Variants in LINGO2 observed in about 807,000 individuals in gnomAD.
The protein encoded by LINGO2 is leucine-rich repeat and immunoglobulin-like domain-containing nogo receptor-interacting protein 2.
LINGO2 carries 14 observed loss-of-function variants against 30.6 expected under a neutral mutation model. The observed-to-expected ratio is 0.46, with a 90% CI of 0.30 to 0.72. LINGO2 has a LOEUF of 0.72. LINGO2 is among the 30% of genes least tolerant of loss of function. The pLI is 0.07. For synonymous variants in LINGO2, 317 were observed against 288.5 expected (o/e 1.10, Z -1.00); for missense variants, 729 against 751.7 (o/e 0.97, Z 0.35).
At chr9:28,381,683 AC>A (rs1475591206) in intron 2 of LINGO2, among the ~76,000 whole-genome samples, 1 of 151,914 alleles carries the variant, frequency 6.6e-6, no homozygotes, top group East Asian at 1.9e-4. Flanking sequence ...GGAAATATTC[AC>A]CCTCTGCCCC....
At chr9:28,378,620 T>C (rs9298894) in intron 2 of LINGO2, among the ~76,000 whole-genome samples, 119,253 of 152,054 alleles carry the variant, frequency 0.78, 47,972 homozygotes, top group Middle Eastern at 0.9. Flanking sequence ...ACGGAACTGT[T>C]GAGTTAGGCT....
chr9:28,204,609 C>A (rs1440973920), intron 4 of LINGO2, among the ~76,000 whole-genome samples: 3 of 152,062 alleles, frequency 2.0e-5, no homozygotes, highest in African/African-American at 7.2e-5. Context: ...GATTGATTGC[C>A]CCTCAGTTCC....
intron 3 of LINGO2, among the ~76,000 whole-genome samples, chr9:28,354,534 A>G (rs1820080548): frequency 6.6e-6 from 1 of 152,196 alleles, no homozygotes. Context: ...ATCTTCAAAC[A>G]GTAGGAGTTA....
the LINGO2 span, among the ~76,000 whole-genome samples, chr9:28,726,146 A>G: frequency 6.6e-6 from 1 of 152,164 alleles, no homozygotes. Flanking sequence ...TATCAGTCAA[A>G]TGGTGTGTTA....
chr9:29,163,499 G>T, the LINGO2 span, among the ~76,000 whole-genome samples: 9,039 of 152,220 alleles, frequency 0.059, 335 homozygotes, highest in Non-Finnish European at 0.09. Flanking sequence ...ACATGCTCAT[G>T]ATTGATTCTC....
the LINGO2 span, among the ~76,000 whole-genome samples, chr9:29,051,776 G>A: frequency 1.3e-3 from 200 of 152,172 alleles, 1 homozygote; most frequent in Non-Finnish European, 2.6e-3. Flanking sequence ...TTGGACTCAG[G>A]AAGCTTGCAT....
chr9:28,951,359 T>C, the LINGO2 span, among the ~76,000 whole-genome samples: 13 of 133,772 alleles, frequency 9.7e-5, no homozygotes, highest in Middle Eastern at 4.1e-3. Context: ...ATGGTTTCCT[T>C]AGATTCTGCA....
At chr9:28,583,003 A>C (rs1824337902) in intron 1 of LINGO2, among the ~76,000 whole-genome samples, 1 of 152,000 alleles carries the variant, frequency 6.6e-6, no homozygotes, top group African/African-American at 2.4e-5. Context: ...TCTGTGATAA[A>C]TTTTTGGAAC....
intron 5 of LINGO2, among the ~76,000 whole-genome samples, chr9:27,966,646 G>A (rs1031259940): frequency 6.6e-6 from 1 of 151,980 alleles, no homozygotes; most frequent in Non-Finnish European, 1.5e-5. Flanking sequence ...TAGATGACAG[G>A]TTGATAGCTG....
At chr9:28,631,204 C>T (rs555967595) in intron 1 of LINGO2, among the ~76,000 whole-genome samples, 2 of 151,630 alleles carry the variant, frequency 1.3e-5, no homozygotes, top group Admixed American at 6.6e-5. Flanking sequence ...TACATGTGCA[C>T]AAGGTGCAGG....
chr9:28,627,614 T>C (rs1487649404), intron 1 of LINGO2, among the ~76,000 whole-genome samples: 1 of 152,098 alleles, frequency 6.6e-6, no homozygotes, highest in East Asian at 1.9e-4. Context: ...TTGTTTAATG[T>C]CAGAAATCAA....
the LINGO2 span, among the ~76,000 whole-genome samples, chr9:28,950,960 C>A: frequency 6.6e-6 from 1 of 152,222 alleles, no homozygotes; most frequent in South Asian, 2.1e-4. Flanking sequence ...AAGAACAAAG[C>A]TGGAGGCATC....
At chr9:28,661,278 T>A (rs1489805414) in intron 1 of LINGO2, among the ~76,000 whole-genome samples, 1 of 152,182 alleles carries the variant, frequency 6.6e-6, no homozygotes, top group South Asian at 2.1e-4. Flanking sequence ...ATGAGAGATA[T>A]GTGACCCAGT....
At chr9:29,157,744 C>T in the LINGO2 span, among the ~76,000 whole-genome samples, 3 of 152,036 alleles carry the variant, frequency 2.0e-5, no homozygotes, top group Non-Finnish European at 4.4e-5. Flanking sequence ...AATATCTCGG[C>T]TTGTATAATA....
chr9:28,848,054 TATATATATGTATATAATATATATATAC>T, the LINGO2 span, among the ~76,000 whole-genome samples: 13 of 12,090 alleles, frequency 1.1e-3, 2 homozygotes, highest in East Asian at 0.048. Context: ...AGTATATATA[TATATATATGTATATAATATATATATAC>T]ACACTATATA....
chr9:28,439,274 T>G lies in LINGO2; in HGVS notation c.-279+36666A>C, dbSNP rs571473234. ...GTGTGTATATGTATATGTATATATATGTGTGTGTGTGTGTGTTTCATATAT... is the reference window on the plus strand; with the variant it reads ...GTGTGTATATGTATATGTATATATAGGTGTGTGTGTGTGTGTTTCATATAT... On this transcript the variant is annotated intron_variant, in intron 2 of 5. Transcript: ENST00000379992. 4.6e-4 allele frequency among the ~76,000 whole-genome samples: 67 copies of G among 144,232 alleles called. 1 individual carries two copies. In the South Asian group the frequency reaches 0.015, roughly 32 times the overall value. 94.6% of individuals were successfully genotyped at this position (144,232 alleles called of 152,430 possible).
chr9:28,001,224 C>G (rs1451123823), intron 5 of LINGO2, among the ~76,000 whole-genome samples: 1 of 152,118 alleles, frequency 6.6e-6, no homozygotes, highest in Admixed American at 6.5e-5. Context: ...GTGAGCTGTT[C>G]TGATTGAAGC....
intron 1 of LINGO2, among the ~76,000 whole-genome samples, chr9:28,648,958 T>TAACC (rs1827966241): frequency 6.6e-6 from 1 of 152,048 alleles, no homozygotes; most frequent in Non-Finnish European, 1.5e-5. Flanking sequence ...TGATCAGAGA[T>TAACC]AACCAGGTTT....
the LINGO2 span, among the ~76,000 whole-genome samples, chr9:28,841,372 G>A: frequency 1.1e-4 from 17 of 151,738 alleles, no homozygotes; most frequent in South Asian, 2.1e-4. Flanking sequence ...ATGTTTCTGG[G>A]CCTGAAATTT....
Sources: allele counts gnomAD v4.1 joint callset (sites outside exome capture counted in the v4.1 genomes callset), GRCh38; gene constraint gnomAD v4.1.1; transcripts MANE v1.5; gene names NCBI Gene and HGNC (gene_info 2026-07-23, HGNC 2026-07-21).